Variants in VTI1A observed in about 807,000 individuals in gnomAD.
The protein encoded by VTI1A is vesicle transport through interaction with t-SNAREs homolog 1A.
Under a neutral mutation model 34.9 loss-of-function variants are expected in VTI1A, and 22 were observed. The ratio of observed to expected loss-of-function variants is 0.63; its 90% CI spans 0.45 to 0.90. The LOEUF (loss-of-function observed/expected upper bound fraction) is 0.90, where lower values mean the gene tolerates loss of function less well. VTI1A is among the 40% of genes least tolerant of loss of function. VTI1A has a pLI of 0.00. For missense variants in VTI1A, 268 were observed against 275.6 expected (o/e 0.97, Z 0.20); for synonymous variants, 87 against 97.3 (o/e 0.89, Z 0.62).
At chr10:112,845,220 C>T in the VTI1A span, among the ~76,000 whole-genome samples, 85 of 152,312 alleles carry the variant, frequency 5.6e-4, no homozygotes, top group Non-Finnish European at 9.8e-4. Flanking sequence ...CTTGCCTGGA[C>T]GTGGCAGAAA....
chr10:112,830,843 A>ATTTTTTTTTTTT, the VTI1A span, among the ~76,000 whole-genome samples: 1 of 45,212 alleles, frequency 2.2e-5, no homozygotes, highest in African/African-American at 9.2e-5. Flanking sequence ...ATATATATAT[A>ATTTTTTTTTTTT]TATATATTTT....
intron 5 of VTI1A, among the ~76,000 whole-genome samples, chr10:112,577,323 A>G (rs971228895): frequency 1.3e-5 from 2 of 152,220 alleles, no homozygotes; most frequent in Admixed American, 1.3e-4. Flanking sequence ...ACCAACTTTA[A>G]AGCAACTGAA....
intron 5 of VTI1A, among the ~76,000 whole-genome samples, chr10:112,597,563 C>G (rs901803686): frequency 1.3e-5 from 2 of 151,902 alleles, no homozygotes; most frequent in Non-Finnish European, 2.9e-5. Context: ...TCAACCAAGC[C>G]AGGTACAGTG....
intron 5 of VTI1A, among the ~76,000 whole-genome samples, chr10:112,653,841 C>A (rs1847128163): frequency 6.6e-6 from 1 of 152,120 alleles, no homozygotes; most frequent in Admixed American, 6.5e-5. Flanking sequence ...TTGTTTCCCC[C>A]CCAAAATAAG....
At chr10:112,673,064 C>T (rs541256519) in intron 7 of VTI1A, among the ~76,000 whole-genome samples, 1 of 152,086 alleles carries the variant, frequency 6.6e-6, no homozygotes, top group Admixed American at 6.5e-5. Context: ...CACCCGTAAT[C>T]CCAACACTTT....
chr10:112,497,328 A>AAAAT (rs1554889191), intron 3 of VTI1A, among the ~76,000 whole-genome samples: 2 of 151,602 alleles, frequency 1.3e-5, no homozygotes, highest in African/African-American at 4.8e-5. Context: ...AAAAAAAAAA[A>AAAAT]AATAATAATA....
chr10:112,612,849 T>C (rs151070951), intron 5 of VTI1A, among the ~76,000 whole-genome samples: 39 of 152,302 alleles, frequency 2.6e-4, no homozygotes, highest in Non-Finnish European at 4.7e-4. Context: ...ATCTTGACAA[T>C]AGAGAAAAAT....
At chr10:112,488,283 A>T (rs944839397) in intron 3 of VTI1A, among the ~76,000 whole-genome samples, 2 of 152,208 alleles carry the variant, frequency 1.3e-5, no homozygotes, top group Non-Finnish European at 2.9e-5. Flanking sequence ...AGAGCATATA[A>T]ATTCTAAGTA....
At chr10:112,462,872 G>A (rs1847771407) in intron 2 of VTI1A, among the ~76,000 whole-genome samples, 2 of 151,808 alleles carry the variant, frequency 1.3e-5, no homozygotes, top group Admixed American at 6.6e-5. Flanking sequence ...ACATGGCCTG[G>A]GCCAATTTGT....
intron 3 of VTI1A, among the ~76,000 whole-genome samples, chr10:112,499,589 A>G (rs907585140): frequency 1.3e-5 from 2 of 152,200 alleles, no homozygotes; most frequent in African/African-American, 2.4e-5. Flanking sequence ...TCCCAGTCCT[A>G]CAGACATTAA....
At chr10:112,641,052 A>G (rs1846550214) in intron 5 of VTI1A, among the ~76,000 whole-genome samples, 1 of 151,714 alleles carries the variant, frequency 6.6e-6, no homozygotes, top group Non-Finnish European at 1.5e-5. Context: ...TGTGACTATT[A>G]CAGAAAAAGC....
intron 3 of VTI1A, among the ~76,000 whole-genome samples, chr10:112,480,031 C>T (rs74398911): frequency 0.052 from 7,882 of 152,162 alleles, 283 homozygotes; most frequent in Non-Finnish European, 0.077. Flanking sequence ...TTGACTTTAG[C>T]GTACATACCT....
intron 7 of VTI1A, among the ~76,000 whole-genome samples, chr10:112,797,165 C>T (rs992386677): frequency 2.6e-5 from 4 of 152,152 alleles, no homozygotes; most frequent in Admixed American, 6.5e-5. Context: ...TAAATCTTTC[C>T]TGACAGAAAG....
intron 5 of VTI1A, among the ~76,000 whole-genome samples, chr10:112,562,122 G>A (rs1434592391): frequency 6.6e-6 from 1 of 152,130 alleles, no homozygotes; most frequent in African/African-American, 2.4e-5. Flanking sequence ...CTTCTCAAAT[G>A]CCCTTTCCAG....
At chr10:112,649,478 G>C (rs1480043594) in intron 5 of VTI1A, among the ~76,000 whole-genome samples, 1 of 152,146 alleles carries the variant, frequency 6.6e-6, no homozygotes, top group Non-Finnish European at 1.5e-5. Context: ...ACACAGTGTG[G>C]AGGAATCAGA....
intron 5 of VTI1A, among the ~76,000 whole-genome samples, chr10:112,542,572 C>G (rs1459789257): frequency 6.6e-6 from 1 of 152,126 alleles, no homozygotes; most frequent in Admixed American, 6.5e-5. Flanking sequence ...AAGAGGTGCT[C>G]GAGCCTTCAC....
chr10:112,645,257 A>G (rs1846730125), intron 5 of VTI1A, among the ~76,000 whole-genome samples: 1 of 152,250 alleles, frequency 6.6e-6, no homozygotes, highest in African/African-American at 2.4e-5. Context: ...CAATAAGATC[A>G]TAAGTGAAAT....
chr10:112,785,312 T>C (rs899595970), intron 7 of VTI1A, among the ~76,000 whole-genome samples: 1 of 152,188 alleles, frequency 6.6e-6, no homozygotes, highest in African/African-American at 2.4e-5. Context: ...CCAGAGGCAA[T>C]GCAGAGAAGC....
chr10:112,682,964 C>T (rs1000799835), intron 7 of VTI1A, among the ~76,000 whole-genome samples: 10 of 152,072 alleles, frequency 6.6e-5, no homozygotes, highest in African/African-American at 2.4e-4. Flanking sequence ...TCCCTCTGCC[C>T]GCAGGAAAAT....
Sources: allele counts gnomAD v4.1 joint callset (sites outside exome capture counted in the v4.1 genomes callset), GRCh38; gene constraint gnomAD v4.1.1; transcripts MANE v1.5; gene names NCBI Gene and HGNC (gene_info 2026-07-23, HGNC 2026-07-21).